Variants in ENO4 observed in about 807,000 individuals in gnomAD.
ENO4 encodes enolase 4.
ENO4 carries 53 observed loss-of-function variants against 63.2 expected under a neutral mutation model. The observed-to-expected ratio is 0.84, with a 90% CI of 0.67 to 1.05. The LOEUF is 1.05. Ranked by LOEUF, ENO4 falls within the 50% of genes least tolerant of loss-of-function variation. The pLI, the probability that ENO4 is intolerant of heterozygous loss-of-function variation, is 0.00. For synonymous variants in ENO4, 266 were observed against 283.8 expected (o/e 0.94, Z 0.63); for missense variants, 719 against 772.0 (o/e 0.93, Z 0.81).
At chr10:116,866,025 T>A (rs1846540015) in intron 7 of ENO4, among the ~76,000 whole-genome samples, 1 of 152,186 alleles carries the variant, frequency 6.6e-6, no homozygotes, top group Admixed American at 6.5e-5. Flanking sequence ...GGCCCAGCAC[T>A]CACCCAAGAC....
At chr10:116,901,479 C>T (rs2429364) in intron 10 of ENO4, 976,215 of 985,194 alleles carry the variant, frequency 0.99, 484,247 homozygotes, top group East Asian at 1. Context: ...TGTCTCCTGA[C>T]GCAGAGTCTG....
intron 8 of ENO4, among the ~76,000 whole-genome samples, chr10:116,869,265 C>T (rs1226727235): frequency 4.6e-5 from 7 of 152,136 alleles, no homozygotes; most frequent in Admixed American, 1.3e-4. Context: ...CTGTCAGTCA[C>T]GTTGGTGATT....
At chr10:116,877,320 T>C (rs1846865880) in intron 11 of ENO4, among the ~76,000 whole-genome samples, 1 of 152,166 alleles carries the variant, frequency 6.6e-6, no homozygotes, top group Non-Finnish European at 1.5e-5. Flanking sequence ...ATGGCCCAAG[T>C]ACATAGTAAG....
At chr10:116,875,358 C>T (rs1846800479) in intron 10 of ENO4, among the ~76,000 whole-genome samples, 1 of 151,600 alleles carries the variant, frequency 6.6e-6, no homozygotes, top group Non-Finnish European at 1.5e-5. Context: ...TCTGGTCATA[C>T]TTTTTAAGAC....
At chr10:116,858,668 G>T (rs1359487827) in intron 3 of ENO4, among the ~76,000 whole-genome samples, 5 of 152,106 alleles carry the variant, frequency 3.3e-5, no homozygotes, top group African/African-American at 1.2e-4. Flanking sequence ...TATACAAAAA[G>T]AAAATACTGT....
At chr10:116,856,914 G>A (rs1024561765) in intron 3 of ENO4, among the ~76,000 whole-genome samples, 7 of 151,740 alleles carry the variant, frequency 4.6e-5, no homozygotes, top group African/African-American at 1.2e-4. Context: ...GCGTGAACCC[G>A]GGAGGCGGAG....
intron 3 of ENO4, among the ~76,000 whole-genome samples, chr10:116,858,235 C>A (rs1157736697): frequency 3.9e-5 from 6 of 152,028 alleles, no homozygotes; most frequent in Non-Finnish European, 8.8e-5. Context: ...TGGATTGTAT[C>A]CTTTAAAAGT....
intron 6 of ENO4, among the ~76,000 whole-genome samples, chr10:116,861,958 C>T (rs1027336230): frequency 6.6e-6 from 1 of 152,134 alleles, no homozygotes; most frequent in African/African-American, 2.4e-5. Flanking sequence ...AGATCGTATT[C>T]AGATCCTGGT....
intron 1 of ENO4, among the ~76,000 whole-genome samples, 187 bp from the exon 2 acceptor site, chr10:116,855,436 G>T (rs1294874761): frequency 1.3e-5 from 2 of 152,146 alleles, no homozygotes; most frequent in African/African-American, 4.8e-5. Flanking sequence ...GTATGTAAGG[G>T]CAGGGCAGTT....
At chr10:116,850,666 G>A (rs1490335032) in intron 1 of ENO4, among the ~76,000 whole-genome samples, 1 of 152,074 alleles carries the variant, frequency 6.6e-6, no homozygotes, top group African/African-American at 2.4e-5. Flanking sequence ...TTGATATAAA[G>A]GATGTTCCGC....
intron 3 of ENO4, among the ~76,000 whole-genome samples, chr10:116,858,329 T>C (rs943975302): frequency 1.3e-5 from 2 of 152,224 alleles, no homozygotes; most frequent in Admixed American, 6.5e-5. Flanking sequence ...CCATGGTTGA[T>C]AGTTTAGCTG....
At chr10:116,851,373 G>A (rs1269486739) in intron 1 of ENO4, among the ~76,000 whole-genome samples, 1 of 152,220 alleles carries the variant, frequency 6.6e-6, no homozygotes, top group Non-Finnish European at 1.5e-5. Flanking sequence ...GGACTTCGAA[G>A]GATGTTCAGG....
chr10:116,901,294 G>GTT (rs1847725431), intron 10 of ENO4: 5 of 985,232 alleles, frequency 5.1e-6, no homozygotes, highest in Non-Finnish European at 4.8e-6. Flanking sequence ...TCTTTACATA[G>GTT]TATGTTTTCA....
At chr10:116,861,237 AT>A (rs779318492) in intron 6 of ENO4, 47 bp downstream of exon 6, 5,574 of 218,114 alleles carry the variant, frequency 0.026, 259 homozygotes, top group African/African-American at 0.19. Flanking sequence ...AAAAAAAAAA[AT>A]ATATATATAT....
chr10:116,856,456 T>C, intron 2 of ENO4, 36 bp from the exon 3 acceptor site: 1 of 1,496,466 alleles, frequency 6.7e-7, no homozygotes, highest in Non-Finnish European at 9.0e-7. Context: ...CTGGGAGAGG[T>C]AGGGAAAGTG....
At chr10:116,911,074 AACTGGG>A (rs1264094399) in intron 10 of ENO4, among the ~76,000 whole-genome samples, 1 of 152,182 alleles carries the variant, frequency 6.6e-6, no homozygotes, top group Non-Finnish European at 1.5e-5. Context: ...TGTGCATAAT[AACTGGG>A]ACTGGGACCG....
chr10:116,867,911 T>G (rs1338492362), intron 7 of ENO4, among the ~76,000 whole-genome samples: 1 of 152,222 alleles, frequency 6.6e-6, no homozygotes, highest in East Asian at 1.9e-4. Flanking sequence ...GACTTCCCTT[T>G]GCCCTTCTGT....
intron 7 of ENO4, among the ~76,000 whole-genome samples, chr10:116,867,195 T>C (rs1589757165): frequency 1.3e-5 from 2 of 152,260 alleles, no homozygotes; most frequent in South Asian, 2.1e-4. Context: ...CAGAGATTAG[T>C]AGATTACATC....
At chr10:116,901,847 T>C in intron 10 of ENO4, 1 of 1,605,920 alleles carries the variant, frequency 6.2e-7, no homozygotes, top group Non-Finnish European at 8.5e-7. Context: ...GACGGGCTGT[T>C]GAATTCTGCC....
Sources: gnomAD v4.1 joint callset for allele counts (sites outside exome capture counted in the v4.1 genomes callset) on GRCh38, gnomAD v4.1.1 for gene constraint, MANE v1.5 for transcripts, NCBI Gene and HGNC (gene_info 2026-07-23, HGNC 2026-07-21) for gene names.